MDGA2: variants seen among roughly 807,000 people sequenced by gnomAD.
The protein encoded by MDGA2 is MAM domain-containing glycosylphosphatidylinositol anchor protein 2.
Under a neutral mutation model 117.8 loss-of-function variants are expected in MDGA2, and 40 were observed. The observed-to-expected ratio is 0.34, with a 90% CI of 0.26 to 0.44. The LOEUF (loss-of-function observed/expected upper bound fraction) is 0.44. Ranked by LOEUF, MDGA2 falls within the 20% of genes least tolerant of loss-of-function variation. MDGA2 has a pLI of 1.00. For synonymous variants in MDGA2, 452 were observed against 439.0 expected, an observed-to-expected ratio of 1.03 and a Z score of -0.37; for missense variants, 1,123 against 1,250.6, an observed-to-expected ratio of 0.90 and a Z score of 1.54.
At chr14:47,191,119 C>T (rs1384039205) in intron 3 of MDGA2, among the ~76,000 whole-genome samples, 1 of 151,948 alleles carries the variant, frequency 6.6e-6, no homozygotes, top group African/African-American at 2.4e-5. Context: ...AATTTAGCCA[C>T]TCTAACATAT....
chr14:47,110,677 C>A (rs1300770705), intron 5 of MDGA2, among the ~76,000 whole-genome samples: 4 of 152,226 alleles, frequency 2.6e-5, no homozygotes, highest in Admixed American at 2.0e-4. Flanking sequence ...ATAAATTTAA[C>A]TCTGCTGGGC....
chr14:47,598,730 A>G (rs948524814), intron 1 of MDGA2, among the ~76,000 whole-genome samples: 2 of 152,200 alleles, frequency 1.3e-5, no homozygotes, highest in Non-Finnish European at 2.9e-5. Flanking sequence ...TAATTTCTGA[A>G]AAGATTTGGG....
At chr14:46,928,047 T>G (rs1884397953) in intron 9 of MDGA2, among the ~76,000 whole-genome samples, 1 of 152,104 alleles carries the variant, frequency 6.6e-6, no homozygotes, top group Non-Finnish European at 1.5e-5. Context: ...AAGGTACAAT[T>G]GCTTTGGTTA....
chr14:47,509,475 C>A (rs147932179), intron 1 of MDGA2, among the ~76,000 whole-genome samples: 1 of 152,140 alleles, frequency 6.6e-6, no homozygotes, highest in South Asian at 2.1e-4. Flanking sequence ...CAGCAGAGCA[C>A]TGGGGGCATG....
intron 1 of MDGA2, among the ~76,000 whole-genome samples, chr14:47,620,535 A>C (rs2138925939): frequency 6.6e-6 from 1 of 152,354 alleles, no homozygotes; most frequent in South Asian, 2.1e-4. Flanking sequence ...TTCTTCAAAT[A>C]CTGATGAGAG....
chr14:47,536,779 T>A (rs1566503881), intron 1 of MDGA2, among the ~76,000 whole-genome samples: 2 of 152,204 alleles, frequency 1.3e-5, no homozygotes, highest in Admixed American at 1.3e-4. Flanking sequence ...TTTGCCCTGA[T>A]AAATGAGTAC....
At chr14:47,208,352 ATAAT>A (rs1370572645) in intron 3 of MDGA2, among the ~76,000 whole-genome samples, 2 of 152,066 alleles carry the variant, frequency 1.3e-5, no homozygotes, top group East Asian at 3.9e-4. Context: ...CAAGTGCTAA[ATAAT>A]TAAGTAAGCA....
intron 1 of MDGA2, among the ~76,000 whole-genome samples, chr14:47,608,327 C>T (rs747333432): frequency 1.3e-5 from 2 of 152,040 alleles, no homozygotes; most frequent in Non-Finnish European, 2.9e-5. Flanking sequence ...TAACATGATC[C>T]TCAGACAGAC....
intron 5 of MDGA2, among the ~76,000 whole-genome samples, chr14:47,107,625 T>G (rs1880785854): frequency 6.6e-6 from 1 of 151,342 alleles, no homozygotes; most frequent in Admixed American, 6.6e-5. Flanking sequence ...TCGGCATAAT[T>G]CTCATAAAAA....
rs549902694 is a variant in MDGA2, at chr14:47,007,636, T to A, written c.1819+27375A>T. Among the ~76,000 whole-genome samples the A allele has an allele frequency of 5.3e-5, 8 of 151,896 alleles. No individual in the cohort carries two copies. In the East Asian group the frequency reaches 1.5e-3, roughly 29 times the overall value. ...AGCCTGTTTAGAATGTAACAATGAT[T>A]AGAGAAGGTCAATTTGTTTTTCCTC... On this transcript the variant is annotated intron_variant, in intron 8 of 16. Coordinates refer to ENST00000399232, the MANE Select transcript of MDGA2 (RefSeq NM_001113498.3).
rs773050400 is a variant in MDGA2, at chr14:47,588,257, TATATACAC to T, written c.280+86252_280+86259del. Among the ~76,000 whole-genome samples the T allele has an allele frequency of 3.4e-4, 34 of 98,662 alleles. 1 individual carries two copies. The highest frequency in any genetic ancestry group is 6.4e-4 in the African/African-American group (19 of 29,754). 64.7% of individuals were successfully genotyped at this position (98,662 alleles called of 152,430 possible). ...AGATAGATATATATATATATATATA[TATATACAC>T]ACACACACACACACACACACACAAA... is the stretch of plus-strand genomic sequence containing the variant. On this transcript the variant is annotated intron_variant, in intron 1 of 16. Coordinates refer to ENST00000399232, the MANE Select transcript of MDGA2 (RefSeq NM_001113498.3).
chr14:46,925,024 A>T (rs555971454), intron 9 of MDGA2, among the ~76,000 whole-genome samples: 6 of 152,312 alleles, frequency 3.9e-5, no homozygotes, highest in African/African-American at 1.4e-4. Context: ...TAAAATCTAG[A>T]AAAGTTATAG....
chr14:47,415,089 AG>A, intron 1 of MDGA2, among the ~76,000 whole-genome samples: 1 of 152,246 alleles, frequency 6.6e-6, no homozygotes, highest in Non-Finnish European at 1.5e-5. Context: ...GATGTGATGA[AG>A]ACTCTTTGGA....
intron 1 of MDGA2, among the ~76,000 whole-genome samples, chr14:47,613,512 C>T (rs576392897): frequency 1.3e-5 from 2 of 151,914 alleles, no homozygotes; most frequent in African/African-American, 2.4e-5. Flanking sequence ...CACACGCACA[C>T]GCACACCCAC....
chr14:47,159,625 T>C (rs1210783502), intron 3 of MDGA2, among the ~76,000 whole-genome samples: 2 of 152,208 alleles, frequency 1.3e-5, no homozygotes, highest in East Asian at 1.9e-4. Flanking sequence ...ACAGGCTTTT[T>C]TGCTCTTCTA....
intron 6 of MDGA2, among the ~76,000 whole-genome samples, chr14:47,084,383 T>C (rs1232704154): frequency 6.6e-6 from 1 of 151,690 alleles, no homozygotes; most frequent in East Asian, 1.9e-4. Flanking sequence ...TGTAAGACAG[T>C]TAAAGAAGTG....
chr14:47,144,584 T>G (rs1189103411), intron 3 of MDGA2, among the ~76,000 whole-genome samples: 1 of 152,060 alleles, frequency 6.6e-6, no homozygotes, highest in East Asian at 1.9e-4. Context: ...ATTCAAGAGC[T>G]TAGCCAAAAC....
intron 2 of MDGA2, among the ~76,000 whole-genome samples, chr14:47,235,378 T>C (rs1297131633): frequency 6.6e-6 from 1 of 152,194 alleles, no homozygotes; most frequent in African/African-American, 2.4e-5. Flanking sequence ...GGTTTTATTG[T>C]TTTTGCTTTT....
intron 1 of MDGA2, among the ~76,000 whole-genome samples, chr14:47,380,662 A>T (rs1891598716): frequency 6.6e-6 from 1 of 152,038 alleles, no homozygotes; most frequent in Admixed American, 6.6e-5. Flanking sequence ...CTAAACCAGG[A>T]AGAATCTGAA....
Sources: allele counts gnomAD v4.1 joint callset (sites outside exome capture counted in the v4.1 genomes callset), GRCh38; gene constraint gnomAD v4.1.1; transcripts MANE v1.5; gene names NCBI Gene and HGNC (gene_info 2026-07-23, HGNC 2026-07-21).